The following NEDD4L variants were observed in gnomAD, a reference collection of about 807,000 sequenced individuals.
The protein encoded by NEDD4L is NEDD4 like E3 ubiquitin protein ligase.
Under a neutral mutation model 148.9 loss-of-function variants are expected in NEDD4L, and 54 were observed. That is an observed-to-expected ratio of 0.36 (90% CI 0.29 to 0.45). The LOEUF (loss-of-function observed/expected upper bound fraction) is 0.45. Among genes scored for constraint, NEDD4L ranks in the 20% least tolerant of loss-of-function variants. The probability of loss-of-function intolerance (pLI) is 1.00; values close to 1 mark genes in which losing one functional copy is unlikely to be tolerated. For missense variants in NEDD4L, 856 were observed against 1,233.8 expected (o/e 0.69, Z 4.59); for synonymous variants, 433 against 440.7 (o/e 0.98, Z 0.22).
At chr18:58,154,783 C>T (rs564255101) in intron 1 of NEDD4L, among the ~76,000 whole-genome samples, 2 of 152,286 alleles carry the variant, frequency 1.3e-5, no homozygotes, top group South Asian at 2.1e-4. Flanking sequence ...AGTGAGACTT[C>T]GTCTCTAAAT....
At chr18:58,087,582 G>A (rs1485260625) in intron 1 of NEDD4L, among the ~76,000 whole-genome samples, 2 of 152,108 alleles carry the variant, frequency 1.3e-5, no homozygotes, top group African/African-American at 2.4e-5. Flanking sequence ...CTGAAAACAA[G>A]GAACATTACT....
intron 1 of NEDD4L, among the ~76,000 whole-genome samples, chr18:58,161,170 A>G (rs1402157757): frequency 6.6e-6 from 1 of 152,022 alleles, no homozygotes; most frequent in East Asian, 1.9e-4. Flanking sequence ...AGCTGGGACT[A>G]CTGGCATGCA....
intron 2 of NEDD4L, among the ~76,000 whole-genome samples, chr18:58,237,722 C>T (rs563725802): frequency 7.2e-5 from 11 of 152,116 alleles, no homozygotes; most frequent in Non-Finnish European, 1.6e-4. Flanking sequence ...CTCTGATGAT[C>T]TCTATGTAGA....
intron 5 of NEDD4L, chr18:58,255,986 G>A: frequency 4.1e-6 from 5 of 1,230,766 alleles, no homozygotes; most frequent in Non-Finnish European, 5.1e-6. Flanking sequence ...CGCCGACGAT[G>A]GGCCTCCATG....
intron 22 of NEDD4L, among the ~76,000 whole-genome samples, chr18:58,368,568 G>A (rs748147319): frequency 5.3e-5 from 8 of 152,236 alleles, no homozygotes; most frequent in Non-Finnish European, 7.3e-5. Flanking sequence ...GATGGGAAGA[G>A]GGAGAGTAGG....
chr18:58,310,792 C>T (rs2057600792), intron 5 of NEDD4L, among the ~76,000 whole-genome samples: 1 of 152,208 alleles, frequency 6.6e-6, no homozygotes, highest in African/African-American at 2.4e-5. Context: ...AGCACTGGGG[C>T]CGGCCAGTGG....
chr18:58,050,419 G>A lies in NEDD4L; in HGVS notation c.48+5711G>A, dbSNP rs537348738. On this transcript the variant is annotated intron_variant, in intron 1 of 30. Coordinates refer to ENST00000400345, the MANE Select transcript of NEDD4L (RefSeq NM_001144967.3). Reference sequence around the variant, plus strand: ...CTGAAGGCAGAGATTGCAGTGAGCCGAGATCGCACCACTGCACTCCAGACT... The same window carrying A: ...CTGAAGGCAGAGATTGCAGTGAGCCAAGATCGCACCACTGCACTCCAGACT... Among the ~76,000 whole-genome samples the A allele has an allele frequency of 9.9e-5, 15 of 151,346 alleles. No individual in the cohort carries two copies. In the South Asian group the frequency reaches 2.3e-3, roughly 23 times the overall value.
chr18:58,191,717 G>T (rs566448575), intron 2 of NEDD4L, among the ~76,000 whole-genome samples: 4 of 152,284 alleles, frequency 2.6e-5, no homozygotes, highest in Non-Finnish European at 5.9e-5. Context: ...CAGATAACAG[G>T]CATATAATTG....
At chr18:58,243,940 T>C (rs1440396639) in intron 2 of NEDD4L, among the ~76,000 whole-genome samples, 4 of 152,216 alleles carry the variant, frequency 2.6e-5, no homozygotes, top group African/African-American at 7.2e-5. Context: ...ATACATCTTA[T>C]GGGTAATAAA....
chr18:58,071,552 A>C (rs778980285), intron 1 of NEDD4L, among the ~76,000 whole-genome samples: 3 of 152,238 alleles, frequency 2.0e-5, no homozygotes, highest in Non-Finnish European at 2.9e-5. Context: ...ACAAAGCCTT[A>C]GAGACCTGTG....
At chr18:58,070,331 C>T (rs571709025) in intron 1 of NEDD4L, among the ~76,000 whole-genome samples, 53 of 152,036 alleles carry the variant, frequency 3.5e-4, no homozygotes, top group East Asian at 1.4e-3. Flanking sequence ...GTGGTGTAAT[C>T]GTGACTCACT....
chr18:58,189,654 C>G (rs182762730), intron 2 of NEDD4L, among the ~76,000 whole-genome samples: 31 of 152,284 alleles, frequency 2.0e-4, no homozygotes, highest in Non-Finnish European at 2.6e-4. Flanking sequence ...GGGTGATTTC[C>G]TCTCTGGCCA....
chr18:58,387,531 G>A (rs745780023), intron 27 of NEDD4L, 33 bp downstream of exon 27: 1 of 1,492,258 alleles, frequency 6.7e-7, no homozygotes, highest in East Asian at 2.4e-5. Context: ...TATGTAAAGT[G>A]GATTTTTTAA....
chr18:58,350,084 C>A (rs2043678904), intron 17 of NEDD4L, among the ~76,000 whole-genome samples: 2 of 152,124 alleles, frequency 1.3e-5, no homozygotes, highest in Non-Finnish European at 2.9e-5. Flanking sequence ...GGTGACGGCT[C>A]AGTAGGAGTT....
At chr18:58,055,952 G>A (rs566428811) in intron 1 of NEDD4L, among the ~76,000 whole-genome samples, 41 of 152,242 alleles carry the variant, frequency 2.7e-4, no homozygotes, top group East Asian at 1.5e-3. Context: ...TTTCATGACC[G>A]TATAAGGTGT....
intron 1 of NEDD4L, among the ~76,000 whole-genome samples, chr18:58,116,467 T>G (rs1054474320): frequency 6.6e-6 from 1 of 152,198 alleles, no homozygotes; most frequent in African/African-American, 2.4e-5. Flanking sequence ...GGCCTGGGTC[T>G]TAGGAATTTG....
At chr18:58,266,362 G>A (rs1600445770) in intron 5 of NEDD4L, among the ~76,000 whole-genome samples, 3 of 152,176 alleles carry the variant, frequency 2.0e-5, no homozygotes, top group East Asian at 3.9e-4. Flanking sequence ...CCATATAAAA[G>A]TATTAAATTT....
intron 2 of NEDD4L, among the ~76,000 whole-genome samples, chr18:58,237,334 T>C (rs1205503374): frequency 6.6e-6 from 1 of 152,194 alleles, no homozygotes; most frequent in African/African-American, 2.4e-5. Flanking sequence ...AGTTTTTGTT[T>C]CCCCGTTTCC....
At chr18:58,127,698 G>A (rs1303976709) in intron 1 of NEDD4L, among the ~76,000 whole-genome samples, 1 of 151,938 alleles carries the variant, frequency 6.6e-6, no homozygotes, top group Admixed American at 6.6e-5. Flanking sequence ...AAAATTAGCT[G>A]GGCGTGGTGG....
Sources: allele counts gnomAD v4.1 joint callset (sites outside exome capture counted in the v4.1 genomes callset), GRCh38; gene constraint gnomAD v4.1.1; transcripts MANE v1.5; gene names NCBI Gene and HGNC (gene_info 2026-07-23, HGNC 2026-07-21).